The following MCPH1 variants were observed in gnomAD, a reference collection of about 807,000 sequenced individuals.
MCPH1 encodes microcephalin 1.
Under a neutral mutation model 84.5 loss-of-function variants are expected in MCPH1, and 104 were observed. The ratio of observed to expected loss-of-function variants is 1.23; its 90% CI spans 1.05 to 1.45. MCPH1 has a LOEUF of 1.45. Among genes scored for constraint, MCPH1 ranks in the 40% most tolerant of loss-of-function variants. The pLI is 0.00. For missense variants in MCPH1, 1,498 were observed against 1,005.7 expected (o/e 1.49, Z -6.62); for synonymous variants, 514 against 366.8 (o/e 1.40, Z -4.58).
intron 2 of MCPH1, among the ~76,000 whole-genome samples, chr8:6,411,511 A>G (rs1043866095): frequency 6.6e-6 from 1 of 152,206 alleles, no homozygotes; most frequent in Non-Finnish European, 1.5e-5. Context: ...AAAAGGTGAA[A>G]GTTCTCCACT....
chr8:6,469,810 C>T (rs1183437495), intron 9 of MCPH1, among the ~76,000 whole-genome samples: 1 of 152,200 alleles, frequency 6.6e-6, no homozygotes, highest in Non-Finnish European at 1.5e-5. Context: ...CCCAAATAAT[C>T]ATGCATTCAA....
intron 12 of MCPH1, among the ~76,000 whole-genome samples, chr8:6,540,648 C>T (rs549898055): frequency 1.2e-3 from 189 of 152,378 alleles, no homozygotes; most frequent in Non-Finnish European, 2.0e-3. Context: ...CAGCAGCTTA[C>T]AATGACAAAA....
intron 2 of MCPH1, among the ~76,000 whole-genome samples, chr8:6,412,511 G>A (rs568406421): frequency 2.6e-4 from 39 of 152,182 alleles, no homozygotes; most frequent in Non-Finnish European, 5.3e-4. Context: ...CCAATTTCAG[G>A]ATTTGAGATG....
intron 12 of MCPH1, among the ~76,000 whole-genome samples, chr8:6,509,636 G>C (rs1236034778): frequency 6.6e-6 from 1 of 152,192 alleles, no homozygotes; most frequent in African/African-American, 2.4e-5. Flanking sequence ...ACAAATGTCG[G>C]AGTAAGTTAG....
At chr8:6,554,416 A>T (rs1348167276) in intron 12 of MCPH1, among the ~76,000 whole-genome samples, 1 of 152,108 alleles carries the variant, frequency 6.6e-6, no homozygotes, top group African/African-American at 2.4e-5. Context: ...ACAGGAAATG[A>T]TTGCTTCTCT....
chr8:6,513,343 T>C (rs1364349024), intron 12 of MCPH1, among the ~76,000 whole-genome samples: 1 of 151,346 alleles, frequency 6.6e-6, no homozygotes, highest in Non-Finnish European at 1.5e-5. Context: ...TTCTTTTTTT[T>C]TTTTTTTGAG....
chr8:6,509,461 C>T (rs765528713), intron 12 of MCPH1, among the ~76,000 whole-genome samples: 1 of 152,142 alleles, frequency 6.6e-6, no homozygotes, highest in Non-Finnish European at 1.5e-5. Context: ...CATTATTTTC[C>T]GCAGGGGGCC....
chr8:6,634,597 G>C (rs1400292267), intron 13 of MCPH1, among the ~76,000 whole-genome samples: 2 of 152,206 alleles, frequency 1.3e-5, no homozygotes, highest in Non-Finnish European at 1.5e-5. Context: ...TTTCTTACCA[G>C]TCCATTATTA....
chr8:6,568,457 A>G (rs1008352909), intron 12 of MCPH1, among the ~76,000 whole-genome samples: 2 of 152,136 alleles, frequency 1.3e-5, no homozygotes, highest in East Asian at 1.9e-4. Context: ...TGCCAAACAG[A>G]ATTTGCTTGT....
intron 12 of MCPH1, among the ~76,000 whole-genome samples, chr8:6,555,638 T>G (rs1824472871): frequency 1.3e-5 from 2 of 152,054 alleles, no homozygotes; most frequent in South Asian, 4.2e-4. Context: ...ATTTTTATAT[T>G]TTTTGGTAGA....
At chr8:6,435,900 C>A in intron 4 of MCPH1, 148 bp from the exon 5 acceptor site, 1 of 794,534 alleles carries the variant, frequency 1.3e-6, no homozygotes, top group South Asian at 1.8e-5. Context: ...ATAAATATTG[C>A]CAGTTCACAT....
chr8:6,591,622 G>A (rs550391195), intron 12 of MCPH1, among the ~76,000 whole-genome samples: 6 of 152,316 alleles, frequency 3.9e-5, no homozygotes, highest in African/African-American at 7.2e-5. Context: ...TGGGTTGGGT[G>A]AGGTACCGTA....
rs143531640 is a variant in MCPH1 at position 6,428,028 on chromosome 8, C to T, written c.234-3471C>T. Among the ~76,000 whole-genome samples, 221 of 151,948 alleles carry T rather than the reference C, an allele frequency of 1.5e-3. 3 individuals are homozygous for T. In the East Asian group the frequency reaches 0.03, roughly 21 times the overall value. On this transcript the variant is annotated intron_variant, in intron 3 of 13. Coordinates refer to ENST00000344683, the MANE Select transcript of MCPH1 (RefSeq NM_024596.5). ...GGATGGCCTTGAACCACTGACCTCC[C>T]GCCTCAACCTCCCAAAGTGCTGAGA...
intron 12 of MCPH1, chr8:6,563,205 C>A: frequency 3.4e-6 from 1 of 297,244 alleles, no homozygotes; most frequent in Non-Finnish European, 6.5e-6. Flanking sequence ...GCAGCTTTCA[C>A]GGTCCTTTGT....
At chr8:6,457,335 A>T (rs562204389) in intron 9 of MCPH1, among the ~76,000 whole-genome samples, 7 of 151,814 alleles carry the variant, frequency 4.6e-5, no homozygotes, top group African/African-American at 1.7e-4. Flanking sequence ...GCTCATGCCT[A>T]TAATCCCGGT....
chr8:6,632,533 A>G (rs1797237042), intron 13 of MCPH1, among the ~76,000 whole-genome samples: 2 of 152,174 alleles, frequency 1.3e-5, no homozygotes, highest in Non-Finnish European at 2.9e-5. Flanking sequence ...TCTGAGGCTG[A>G]GCGCAGTGAC....
intron 12 of MCPH1, among the ~76,000 whole-genome samples, chr8:6,530,243 C>T (rs1213671879): frequency 1.3e-5 from 2 of 152,000 alleles, no homozygotes; most frequent in Non-Finnish European, 2.9e-5. Context: ...TACGGTGGCT[C>T]ACGCCTGTGA....
rs138019265 is a variant in MCPH1 at position 6,582,338 on chromosome 8, ATAGG to A, written c.2215-39112_2215-39109del. ...TCAATCCTCATAGTAACTCTTCAACATAGGTAGCCTTATTTTGCAGTTGAGGAAA... is the reference window on the plus strand; with the variant it reads ...TCAATCCTCATAGTAACTCTTCAACATAGCCTTATTTTGCAGTTGAGGAAA... On this transcript the variant is annotated intron_variant, in intron 12 of 13. Coordinates refer to ENST00000344683, the MANE Select transcript of MCPH1 (RefSeq NM_024596.5). 1.6e-3 allele frequency among the ~76,000 whole-genome samples: 247 copies of A among 152,326 alleles called. 2 individuals are homozygous for A. Among genetic ancestry groups the A allele is most frequent in the African/African-American group, 5.7e-3 (239 of 41,574 alleles).
chr8:6,558,109 G>A (rs781412490), intron 12 of MCPH1, among the ~76,000 whole-genome samples: 3 of 151,922 alleles, frequency 2.0e-5, no homozygotes, highest in Middle Eastern at 3.4e-3. Context: ...CCAACCTCTC[G>A]TCATGTCATT....
Sources: allele counts gnomAD v4.1 joint callset (sites outside exome capture counted in the v4.1 genomes callset), GRCh38; gene constraint gnomAD v4.1.1; transcripts MANE v1.5; gene names NCBI Gene and HGNC (gene_info 2026-07-23, HGNC 2026-07-21).